Variants in CLVS1 observed in about 807,000 individuals in gnomAD.
CLVS1 encodes the protein clavesin 1.
CLVS1 carries 10 observed loss-of-function variants against 33.1 expected under a neutral mutation model. The observed-to-expected ratio is 0.30, with a 90% CI of 0.19 to 0.51. The LOEUF (loss-of-function observed/expected upper bound fraction) is 0.51, where lower values mean the gene tolerates loss of function less well. Ranked by LOEUF, CLVS1 falls within the 20% of genes least tolerant of loss-of-function variation. The probability of loss-of-function intolerance (pLI) is 0.97; values close to 1 mark genes in which losing one functional copy is unlikely to be tolerated. For synonymous variants in CLVS1, 163 were observed against 166.1 expected (o/e 0.98, Z 0.14); for missense variants, 343 against 433.4 (o/e 0.79, Z 1.85).
the CLVS1 span, among the ~76,000 whole-genome samples, chr8:60,969,765 C>A: frequency 6.6e-6 from 1 of 151,802 alleles, no homozygotes; most frequent in Admixed American, 6.6e-5. Context: ...ATGAATTAAC[C>A]AACCTAGGAT....
At chr8:61,484,417 C>G (rs1182820524) in intron 5 of CLVS1, among the ~76,000 whole-genome samples, 4 of 152,094 alleles carry the variant, frequency 2.6e-5, no homozygotes, top group Non-Finnish European at 2.9e-5. Context: ...AGGAGAACTA[C>G]AAACCACTGC....
intron 2 of CLVS1, among the ~76,000 whole-genome samples, chr8:61,341,895 C>T (rs1425480639): frequency 6.6e-6 from 1 of 152,216 alleles, no homozygotes; most frequent in East Asian, 1.9e-4. Flanking sequence ...GCTGAAATCA[C>T]TGCCATTTCC....
intron 2 of CLVS1, among the ~76,000 whole-genome samples, chr8:61,248,211 G>A (rs972826387): frequency 3.3e-5 from 5 of 152,014 alleles, no homozygotes; most frequent in Non-Finnish European, 7.4e-5. Context: ...TTTGAAGTTG[G>A]GTAACATGAT....
chr8:61,436,828 C>T (rs1211380191), intron 3 of CLVS1, among the ~76,000 whole-genome samples: 1 of 152,090 alleles, frequency 6.6e-6, no homozygotes, highest in Non-Finnish European at 1.5e-5. Context: ...TGAAGGTTGG[C>T]TGGAATGAAC....
chr8:61,107,286 C>A (rs985003672), intron 1 of CLVS1, among the ~76,000 whole-genome samples: 9 of 152,308 alleles, frequency 5.9e-5, no homozygotes, highest in Admixed American at 5.2e-4. Context: ...GTCTAGGAGA[C>A]CCTTTTAGTT....
At chr8:61,003,688 C>T in the CLVS1 span, among the ~76,000 whole-genome samples, 6,768 of 152,244 alleles carry the variant, frequency 0.044, 235 homozygotes, top group Non-Finnish European at 0.064. Context: ...TCTGACCAAA[C>T]ATTATGACTG....
At chr8:61,207,845 A>G (rs1405729838) in intron 2 of CLVS1, among the ~76,000 whole-genome samples, 1 of 152,212 alleles carries the variant, frequency 6.6e-6, no homozygotes, top group African/African-American at 2.4e-5. Context: ...CAGGGAGGGC[A>G]GGTGAAGATT....
intron 2 of CLVS1, among the ~76,000 whole-genome samples, chr8:61,265,279 A>T (rs1809282584): frequency 6.8e-6 from 1 of 147,844 alleles, no homozygotes; most frequent in African/African-American, 2.4e-5. Flanking sequence ...ATTATGAGAA[A>T]CATTCATGCT....
At chr8:61,135,364 G>A (rs1034679727) in intron 2 of CLVS1, among the ~76,000 whole-genome samples, 2 of 152,104 alleles carry the variant, frequency 1.3e-5, no homozygotes, top group Non-Finnish European at 2.9e-5. Flanking sequence ...GCTTTTTCCC[G>A]CCTGTAGGAG....
At chr8:61,184,323 G>T (rs994418278) in intron 2 of CLVS1, among the ~76,000 whole-genome samples, 1 of 152,186 alleles carries the variant, frequency 6.6e-6, no homozygotes, top group Non-Finnish European at 1.5e-5. Context: ...CATTTGTGCA[G>T]ATATCAACTT....
rs139967690 is a variant in CLVS1, at chr8:61,292,147, C to T, written c.-152+4009C>T. 20 of 298,854 alleles carry T rather than the reference C, an allele frequency of 6.7e-5. No homozygotes were observed. In the Middle Eastern group the frequency reaches 1.3e-3, roughly 20 times the overall value. The allele number at this position is 298,854 out of a possible 1,614,324, so 18.5% of individuals were successfully genotyped here. On this transcript the variant is annotated intron_variant, in intron 1 of 5. Transcript: ENST00000325897. The stretch of plus-strand genomic sequence containing the variant: ...TTTTTTTTTAATATTCTCACTTTTA[C>T]GTCTGACTATTAAATAATAAGACCC...
the CLVS1 span, among the ~76,000 whole-genome samples, chr8:60,991,180 A>G: frequency 1.3e-5 from 2 of 152,228 alleles, no homozygotes; most frequent in Admixed American, 6.5e-5. Context: ...ATAAGTCAAC[A>G]ACATGCAAAA....
Position 61,098,436 on chromosome 8 carries a change from C to T in CLVS1, c.-242-33334C>T, listed in dbSNP as rs138130288. Among the ~76,000 whole-genome samples, 76 of 149,670 alleles carry T rather than the reference C, an allele frequency of 5.1e-4. No individual in the cohort carries two copies. The East Asian group carries it at 0.011, about 21-fold the overall frequency. ...ATATATATATATATATATTTGCATA[C>T]TGGTTCTCTGCTATATCTGAGTTCT... On this transcript the variant is annotated intron_variant, in intron 1 of 2. Coordinates refer to the CLVS1 transcript ENST00000522621.
At chr8:61,049,048 T>C in the CLVS1 span, among the ~76,000 whole-genome samples, 2 of 152,340 alleles carry the variant, frequency 1.3e-5, no homozygotes, top group Admixed American at 1.3e-4. Flanking sequence ...GGACAAAATT[T>C]ATTCAGGGAC....
intron 2 of CLVS1, among the ~76,000 whole-genome samples, chr8:61,224,227 T>A (rs1455720350): frequency 6.6e-6 from 1 of 152,150 alleles, no homozygotes; most frequent in Non-Finnish European, 1.5e-5. Flanking sequence ...GATGTTGTGA[T>A]CATCTGGAGG....
chr8:61,289,262 T>G (rs1266539500), intron 1 of CLVS1, among the ~76,000 whole-genome samples: 1 of 152,248 alleles, frequency 6.6e-6, no homozygotes, highest in East Asian at 1.9e-4. Flanking sequence ...GCATTTTATG[T>G]AACTCCATTC....
intron 1 of CLVS1, among the ~76,000 whole-genome samples, chr8:61,079,765 T>A (rs1033708654): frequency 6.8e-6 from 1 of 145,992 alleles, no homozygotes; most frequent in Non-Finnish European, 1.5e-5. Flanking sequence ...GTAGTCCCAA[T>A]TTATTTTAGC....
chr8:61,241,001 T>G (rs1650951798), intron 2 of CLVS1, among the ~76,000 whole-genome samples: 1 of 151,288 alleles, frequency 6.6e-6, no homozygotes, highest in African/African-American at 2.4e-5. Context: ...TTTCTCACAG[T>G]TCTGGAGGCT....
intron 2 of CLVS1, among the ~76,000 whole-genome samples, chr8:61,366,874 G>A (rs1813232146): frequency 6.6e-6 from 1 of 152,138 alleles, no homozygotes; most frequent in Non-Finnish European, 1.5e-5. Flanking sequence ...ATACTTCTGA[G>A]TAACCCTTGA....
Sources: allele counts gnomAD v4.1 joint callset (sites outside exome capture counted in the v4.1 genomes callset), GRCh38; gene constraint gnomAD v4.1.1; transcripts MANE v1.5; gene names NCBI Gene and HGNC (gene_info 2026-07-23, HGNC 2026-07-21).